Variants in LSAMP observed in about 807,000 individuals in gnomAD.
The protein encoded by LSAMP is limbic system associated membrane protein.
In LSAMP, 7 loss-of-function variants were observed where a neutral mutation model predicts 38.6. That is an observed-to-expected ratio of 0.18 (90% CI 0.10 to 0.34). The LOEUF (loss-of-function observed/expected upper bound fraction) is 0.34, where lower values mean the gene tolerates loss of function less well. LSAMP is among the 10% of genes least tolerant of loss of function. The pLI is 1.00. For synonymous variants in LSAMP, 154 were observed against 166.8 expected, an observed-to-expected ratio of 0.92 and a Z score of 0.59; for missense variants, 313 against 420.0, an observed-to-expected ratio of 0.75 and a Z score of 2.23.
At chr3:116,325,939 C>G (rs1305440028) in intron 1 of LSAMP, among the ~76,000 whole-genome samples, 3 of 152,126 alleles carry the variant, frequency 2.0e-5, no homozygotes, top group African/African-American at 7.2e-5. Context: ...ACAAGCGTAT[C>G]CAAAGACATT....
intron 1 of LSAMP, among the ~76,000 whole-genome samples, chr3:116,167,488 T>G (rs1202888291): frequency 6.6e-6 from 1 of 152,218 alleles, no homozygotes. Flanking sequence ...CAGGATCTCA[T>G]AAAGAGTGTA....
chr3:115,896,845 C>T (rs1243666343), intron 3 of LSAMP, among the ~76,000 whole-genome samples: 2 of 151,956 alleles, frequency 1.3e-5, no homozygotes, highest in Non-Finnish European at 2.9e-5. Context: ...TTTTTATGGT[C>T]ATGATTCATA....
chr3:116,409,394 G>A lies in LSAMP; in HGVS notation c.155+35483C>T, dbSNP rs1033072094. Among the ~76,000 whole-genome samples, 38 of 151,956 alleles carry A rather than the reference G, an allele frequency of 2.5e-4. 1 individual carries two copies. The highest frequency in any genetic ancestry group is 4.7e-4 in the Non-Finnish European group (32 of 67,968). The stretch of plus-strand genomic sequence containing the variant: ...GTACTGCCAAGCTGCTTTGCATGAT[G>A]GGATCTGTAGTTTTCACTCATCCCA... On this transcript the variant is annotated intron_variant, in intron 1 of 6. Coordinates refer to ENST00000490035, the MANE Select transcript of LSAMP (RefSeq NM_002338.5).
intron 6 of LSAMP, among the ~76,000 whole-genome samples, chr3:115,828,935 A>G (rs1461932679): frequency 2.0e-5 from 3 of 152,222 alleles, no homozygotes; most frequent in African/African-American, 7.2e-5. Context: ...AGGCAGATCC[A>G]GATTCGAAAA....
At chr3:116,367,563 G>A (rs2048370941) in intron 1 of LSAMP, among the ~76,000 whole-genome samples, 1 of 148,302 alleles carries the variant, frequency 6.7e-6, no homozygotes, top group Admixed American at 6.8e-5. Flanking sequence ...GGAGTGCAGT[G>A]GTGCAATCTC....
intron 1 of LSAMP, among the ~76,000 whole-genome samples, chr3:116,092,192 A>G (rs1055391841): frequency 1.3e-5 from 2 of 152,222 alleles, no homozygotes; most frequent in Non-Finnish European, 2.9e-5. Flanking sequence ...ATATTCATTA[A>G]TTATCTAATA....
chr3:115,850,265 C>A (rs1229214167), intron 4 of LSAMP, among the ~76,000 whole-genome samples: 1 of 152,190 alleles, frequency 6.6e-6, no homozygotes, highest in East Asian at 1.9e-4. Flanking sequence ...AGGTGGCTAG[C>A]TTTGATCTTG....
chr3:116,003,804 G>A (rs1263293486), intron 3 of LSAMP, among the ~76,000 whole-genome samples: 1 of 152,136 alleles, frequency 6.6e-6, no homozygotes, highest in African/African-American at 2.4e-5. Flanking sequence ...GTTACAAGAA[G>A]CTAGAAGAAG....
chr3:115,957,958 G>A (rs943980465), intron 3 of LSAMP, among the ~76,000 whole-genome samples: 2 of 152,084 alleles, frequency 1.3e-5, no homozygotes, highest in African/African-American at 4.8e-5. Context: ...AGTAAGAGAG[G>A]TGGAAGGTTT....
rs1268040540 is a variant in LSAMP, at chr3:116,197,163, A to ACACACACACACTCTCTCTCTCT, written c.156-110608_156-110607insAGAGAGAGAGAGTGTGTGTGTG. Among the ~76,000 whole-genome samples the ACACACACACACTCTCTCTCTCT allele has an allele frequency of 5.4e-4, 75 of 139,200 alleles. 1 individual carries two copies. Among genetic ancestry groups the ACACACACACACTCTCTCTCTCT allele is most frequent in the African/African-American group, 1.8e-3 (71 of 38,800 alleles). The allele number at this position is 139,200 out of a possible 152,430, so 91.3% of individuals were successfully genotyped here. On this transcript the variant is annotated intron_variant, in intron 1 of 6. Coordinates refer to ENST00000490035, the MANE Select transcript of LSAMP (RefSeq NM_002338.5). Reference sequence around the variant, plus strand: ...CACACACACACACACACACACACACACTCTCTCTCTCTCTCACTCACTTTG... The same window carrying ACACACACACACTCTCTCTCTCT: ...CACACACACACACACACACACACACACACACACACACTCTCTCTCTCTCTCTCTCTCTCTCTCACTCACTTTG...
chr3:116,138,157 A>G (rs1709291563), intron 1 of LSAMP, among the ~76,000 whole-genome samples: 5 of 152,136 alleles, frequency 3.3e-5, no homozygotes, highest in Non-Finnish European at 7.4e-5. Flanking sequence ...TGAACATCAA[A>G]GTTGTAAAGA....
chr3:116,007,358 G>A (rs1454576907), intron 3 of LSAMP, among the ~76,000 whole-genome samples: 1 of 152,058 alleles, frequency 6.6e-6, no homozygotes, highest in African/African-American at 2.4e-5. Context: ...TTATTGGCAT[G>A]TCTTTTATGG....
chr3:116,000,666 G>A (rs745964262), intron 3 of LSAMP, among the ~76,000 whole-genome samples: 8 of 152,148 alleles, frequency 5.3e-5, no homozygotes, highest in Admixed American at 1.3e-4. Context: ...GAGGAAAGAC[G>A]ATATTGGCTC....
At chr3:116,067,621 T>C (rs1707492062) in intron 2 of LSAMP, among the ~76,000 whole-genome samples, 1 of 152,218 alleles carries the variant, frequency 6.6e-6, no homozygotes, top group Non-Finnish European at 1.5e-5. Flanking sequence ...CATGGGCCAT[T>C]TGGCCGGGCG....
intron 1 of LSAMP, among the ~76,000 whole-genome samples, chr3:116,290,296 T>C (rs969146703): frequency 2.6e-5 from 4 of 152,160 alleles, no homozygotes; most frequent in Non-Finnish European, 5.9e-5. Flanking sequence ...TGCCCCTTCT[T>C]ACATTGACAC....
At chr3:116,019,484 G>T (rs369499277) in intron 3 of LSAMP, 31 bp downstream of exon 3, 1 of 1,607,130 alleles carries the variant, frequency 6.2e-7, no homozygotes, top group African/African-American at 1.3e-5. Flanking sequence ...TAAACAGCAT[G>T]TGGCATATTG....
intron 3 of LSAMP, among the ~76,000 whole-genome samples, chr3:115,944,789 C>A (rs943120607): frequency 1.2e-4 from 18 of 152,152 alleles, no homozygotes; most frequent in African/African-American, 4.3e-4. Flanking sequence ...CCAAGAATAT[C>A]TAACACCATA....
intron 1 of LSAMP, among the ~76,000 whole-genome samples, chr3:116,242,765 G>GA (rs143247824): frequency 0.075 from 10,889 of 144,576 alleles, 772 homozygotes; most frequent in African/African-American, 0.2. Context: ...TTTTAACATT[G>GA]AAAAAAAAAA....
chr3:116,142,871 T>G (rs1709403353), intron 1 of LSAMP, among the ~76,000 whole-genome samples: 1 of 151,922 alleles, frequency 6.6e-6, no homozygotes, highest in Non-Finnish European at 1.5e-5. Context: ...TTACGATGGC[T>G]GAACCACAAC....
Sources: allele counts gnomAD v4.1 joint callset (sites outside exome capture counted in the v4.1 genomes callset), GRCh38; gene constraint gnomAD v4.1.1; transcripts MANE v1.5; gene names NCBI Gene and HGNC (gene_info 2026-07-23, HGNC 2026-07-21).